Variants in CSMD1 observed in about 807,000 individuals in gnomAD.
The protein encoded by CSMD1 is CUB and Sushi multiple domains 1.
Under a neutral mutation model 417.5 loss-of-function variants are expected in CSMD1, and 213 were observed. The observed-to-expected ratio is 0.51, with a 90% CI of 0.46 to 0.57. The LOEUF (loss-of-function observed/expected upper bound fraction) is 0.57, where lower values mean the gene tolerates loss of function less well. Ranked by LOEUF, CSMD1 falls within the 20% of genes least tolerant of loss-of-function variation. CSMD1 has a pLI of 0.00. For synonymous variants in CSMD1, 2,862 were observed against 1,736.8 expected (o/e 1.65, Z -16.11); for missense variants, 6,923 against 4,529.7 (o/e 1.53, Z -15.17).
At chr8:4,080,218 T>C (rs1585269641) in intron 3 of CSMD1, among the ~76,000 whole-genome samples, 1 of 151,956 alleles carries the variant, frequency 6.6e-6, no homozygotes, top group East Asian at 1.9e-4. Context: ...GTAATAGTTG[T>C]CTCCTCCTTA....
chr8:4,726,623 C>G (rs1809473738), intron 1 of CSMD1, among the ~76,000 whole-genome samples: 1 of 152,130 alleles, frequency 6.6e-6, no homozygotes, highest in Admixed American at 6.6e-5. Context: ...GATAGAAACC[C>G]TGAATCATTA....
intron 3 of CSMD1, among the ~76,000 whole-genome samples, chr8:4,059,596 A>C: frequency 6.6e-6 from 1 of 152,096 alleles, no homozygotes; most frequent in African/African-American, 2.4e-5. Flanking sequence ...TGCAATAAAA[A>C]ATGATAAAGG....
chr8:3,568,142 G>A (rs1585383204), intron 10 of CSMD1, among the ~76,000 whole-genome samples: 1 of 152,046 alleles, frequency 6.6e-6, no homozygotes, highest in South Asian at 2.1e-4. Flanking sequence ...TTAAATACTT[G>A]AAAATTCATA....
At chr8:3,869,167 C>G (rs188223031) in intron 5 of CSMD1, among the ~76,000 whole-genome samples, 1 of 152,298 alleles carries the variant, frequency 6.6e-6, no homozygotes, top group East Asian at 1.9e-4. Context: ...CTGAAATACA[C>G]AGATGTGCTG....
chr8:3,183,633 G>A (rs955660565), intron 36 of CSMD1, among the ~76,000 whole-genome samples: 8 of 151,226 alleles, frequency 5.3e-5, no homozygotes, highest in Non-Finnish European at 1.0e-4. Context: ...CGATACCATC[G>A]GCATCCACCG....
At chr8:4,856,734 C>G (rs1456880131) in intron 1 of CSMD1, among the ~76,000 whole-genome samples, 1 of 149,406 alleles carries the variant, frequency 6.7e-6, no homozygotes, top group Non-Finnish European at 1.5e-5. Context: ...AATATATATG[C>G]ACCCAATACA....
At chr8:4,684,428 C>T (rs1458313322) in intron 1 of CSMD1, among the ~76,000 whole-genome samples, 1 of 152,142 alleles carries the variant, frequency 6.6e-6, no homozygotes, top group Non-Finnish European at 1.5e-5. Flanking sequence ...TCGCATCTTG[C>T]TTTTTGAAAT....
chr8:4,157,076 G>C (rs531415869), intron 3 of CSMD1, among the ~76,000 whole-genome samples: 10 of 152,116 alleles, frequency 6.6e-5, no homozygotes, highest in African/African-American at 2.2e-4. Flanking sequence ...GGATGGACCC[G>C]CCATGGCCAG....
At chr8:4,799,592 C>T (rs1490181203) in intron 1 of CSMD1, among the ~76,000 whole-genome samples, 1 of 66,398 alleles carries the variant, frequency 1.5e-5, no homozygotes, top group African/African-American at 6.1e-5. Flanking sequence ...GAGCAAGACT[C>T]CGTCTCAAAA....
rs907050254 is a variant in CSMD1, at chr8:3,656,592, TTACTC to T, written c.1010-39800_1010-39796del. 5.0e-4 allele frequency among the ~76,000 whole-genome samples: 76 copies of T among 152,272 alleles called. 1 individual carries two copies. The highest frequency in any genetic ancestry group is 3.4e-3 in the Middle Eastern group (1 of 294). On this transcript the variant is annotated intron_variant, in intron 7 of 69. Transcript: ENST00000635120. Reference sequence around the variant, plus strand: ...GAGAGGAGTTTTCTTACGAAGCCCTTTACTCTCCTTTCTTCCTTGCTGGTGCAGCT... The same window carrying T: ...GAGAGGAGTTTTCTTACGAAGCCCTTTCCTTTCTTCCTTGCTGGTGCAGCT...
intron 4 of CSMD1, among the ~76,000 whole-genome samples, chr8:4,024,806 T>G (rs941009687): frequency 6.6e-6 from 1 of 152,188 alleles, no homozygotes; most frequent in Non-Finnish European, 1.5e-5. Context: ...GACTGGGAAC[T>G]TCCTGAGTAT....
At chr8:4,108,117 G>A (rs1203507835) in intron 3 of CSMD1, among the ~76,000 whole-genome samples, 2 of 151,966 alleles carry the variant, frequency 1.3e-5, no homozygotes, top group African/African-American at 4.8e-5. Flanking sequence ...CGGAGGAGGA[G>A]GAGGAGGAGG....
intron 3 of CSMD1, among the ~76,000 whole-genome samples, chr8:4,054,184 C>G (rs918099840): frequency 1.3e-5 from 2 of 152,120 alleles, no homozygotes; most frequent in Non-Finnish European, 2.9e-5. Flanking sequence ...TTTCACAGAA[C>G]GCACGGCCAT....
At chr8:4,809,379 T>C (rs1368012074) in intron 1 of CSMD1, among the ~76,000 whole-genome samples, 1 of 152,230 alleles carries the variant, frequency 6.6e-6, no homozygotes, top group African/African-American at 2.4e-5. Context: ...ATCTCCCATC[T>C]GATACTCAAC....
chr8:3,783,269 T>G (rs1005899791), intron 5 of CSMD1, among the ~76,000 whole-genome samples: 6 of 152,216 alleles, frequency 3.9e-5, no homozygotes, highest in African/African-American at 1.4e-4. Flanking sequence ...AAAACTGGTT[T>G]TTTGCAAAAC....
At chr8:4,579,868 T>A (rs866494709) in intron 2 of CSMD1, among the ~76,000 whole-genome samples, 9 of 152,314 alleles carry the variant, frequency 5.9e-5, no homozygotes, top group African/African-American at 2.4e-5. Flanking sequence ...AGTGTAAAAC[T>A]TTACCTAGTT....
chr8:4,746,101 C>G (rs1810933631), intron 1 of CSMD1, among the ~76,000 whole-genome samples: 1 of 152,212 alleles, frequency 6.6e-6, no homozygotes, highest in Admixed American at 6.5e-5. Context: ...CGTGACTTCA[C>G]TTGTGCTCCT....
intron 3 of CSMD1, among the ~76,000 whole-genome samples, chr8:4,052,977 C>A (rs1271570814): frequency 1.3e-5 from 2 of 152,102 alleles, no homozygotes; most frequent in South Asian, 2.1e-4. Context: ...AACCTGAGGG[C>A]CCCCTTACTC....
At position 4,684,768 on chromosome 8, in the gene CSMD1, A is replaced by T. The variant is rs117364343; in HGVS notation, c.86-47210T>A. Among the ~76,000 whole-genome samples the T allele has an allele frequency of 3.7e-3, 564 of 152,328 alleles. 4 individuals are homozygous for T. Among genetic ancestry groups the T allele is most frequent in the South Asian group, 8.3e-3 (40 of 4,826 alleles). On this transcript the variant is annotated intron_variant, in intron 1 of 69. Coordinates refer to ENST00000635120, the MANE Select transcript of CSMD1 (RefSeq NM_033225.6). ...TATAAATAATTAATCATAAATTTCA[A>T]CTGATTTGATTTTGCAATTTTAATT...
Sources: allele counts gnomAD v4.1 joint callset (sites outside exome capture counted in the v4.1 genomes callset), GRCh38; gene constraint gnomAD v4.1.1; transcripts MANE v1.5; gene names NCBI Gene and HGNC (gene_info 2026-07-23, HGNC 2026-07-21).